Variants in LRTM1 observed in about 807,000 individuals in gnomAD.
The protein encoded by LRTM1 is leucine-rich repeat and transmembrane domain-containing protein 1.
LRTM1 carries 38 observed loss-of-function variants against 32.4 expected under a neutral mutation model. That is an observed-to-expected ratio of 1.17 (90% CI 0.91 to 1.54). The LOEUF is 1.54. LRTM1 is among the 40% of genes most tolerant of loss of function. The probability of loss-of-function intolerance (pLI) is 0.00; values close to 1 mark genes in which losing one functional copy is unlikely to be tolerated. For synonymous variants in LRTM1, 186 were observed against 169.9 expected, an observed-to-expected ratio of 1.09 and a Z score of -0.74; for missense variants, 466 against 415.4, an observed-to-expected ratio of 1.12 and a Z score of -1.06.
chr3:54,958,095 C>T (rs961758293), intron 1 of LRTM1, among the ~76,000 whole-genome samples: 2 of 152,214 alleles, frequency 1.3e-5, no homozygotes, highest in Middle Eastern at 3.2e-3. Flanking sequence ...ACAGGGAATA[C>T]AGCAGTAAAC....
At chr3:54,954,214 A>G (rs1040584440) in intron 1 of LRTM1, among the ~76,000 whole-genome samples, 3 of 152,152 alleles carry the variant, frequency 2.0e-5, no homozygotes, top group South Asian at 2.1e-4. Flanking sequence ...GGTCAGTGCT[A>G]TGGCCTCCTC....
intron 1 of LRTM1, among the ~76,000 whole-genome samples, chr3:54,948,516 G>A (rs1294894820): frequency 6.6e-6 from 1 of 151,326 alleles, no homozygotes; most frequent in African/African-American, 2.5e-5. Context: ...TCTTCCTGCA[G>A]TGGTTTCACC....
upstream of LRTM1, among the ~76,000 whole-genome samples, chr3:54,932,553 T>G (rs895808871): frequency 6.6e-6 from 1 of 152,212 alleles, no homozygotes; most frequent in African/African-American, 2.4e-5. Context: ...TGAGATGTCT[T>G]ATCTTCTAGT....
At chr3:54,935,814 A>G (rs1701314555) in intron 1 of LRTM1, among the ~76,000 whole-genome samples, 1 of 152,114 alleles carries the variant, frequency 6.6e-6, no homozygotes, top group South Asian at 2.1e-4. Context: ...TTTTCTCTTT[A>G]AGGTTTGTTC....
intron 1 of LRTM1, among the ~76,000 whole-genome samples, chr3:54,951,695 C>A (rs1431291661): frequency 6.6e-6 from 1 of 152,220 alleles, no homozygotes; most frequent in Non-Finnish European, 1.5e-5. Context: ...GGTTAAGTCA[C>A]TGAACCGCCG....
At chr3:54,922,977 A>C (rs1700897219) in intron 2 of LRTM1, among the ~76,000 whole-genome samples, 1 of 152,166 alleles carries the variant, frequency 6.6e-6, no homozygotes, top group Non-Finnish European at 1.5e-5. Context: ...TCAGTATTCC[A>C]AGTATCTCCC....
intron 1 of LRTM1, among the ~76,000 whole-genome samples, chr3:54,938,046 G>T (rs1701374007): frequency 1.3e-5 from 2 of 152,188 alleles, no homozygotes; most frequent in South Asian, 4.1e-4. Flanking sequence ...CAAGCATTAT[G>T]AAATCCCCGT....
intron 1 of LRTM1, among the ~76,000 whole-genome samples, chr3:54,947,117 C>T (rs1228051871): frequency 6.6e-6 from 1 of 152,162 alleles, no homozygotes; most frequent in East Asian, 1.9e-4. Flanking sequence ...TGAGCTCTTA[C>T]TGTGTTCCAG....
At chr3:54,956,678 C>A (rs1701903398) in intron 1 of LRTM1, among the ~76,000 whole-genome samples, 2 of 152,082 alleles carry the variant, frequency 1.3e-5, no homozygotes, top group Admixed American at 1.3e-4. Flanking sequence ...GTAATTTGTT[C>A]TCAGAGTAAT....
chr3:54,949,123 GA>G (rs1553926131), intron 1 of LRTM1, among the ~76,000 whole-genome samples: 1 of 152,190 alleles, frequency 6.6e-6, no homozygotes, highest in Non-Finnish European at 1.5e-5. Context: ...TCAGTGGAAA[GA>G]AACCCCCTCT....
Position 54,918,770 on chromosome 3 carries a change from G to T in LRTM1, c.727C>A (p.Gln243Lys). The part of the protein sequence containing the change: ...PLPAPDPVSS[Q>K]AQWPGSAHGV... ...TGGGCAGAGCCGGGCCACTGAGCCTGCGAGGACACTGGATCAGGAGCAGGA... is the reference window on the plus strand; with the variant it reads ...TGGGCAGAGCCGGGCCACTGAGCCTTCGAGGACACTGGATCAGGAGCAGGA... Residue 243 changes from glutamine (Q) to lysine (K), a missense_variant, in exon 3 of 3, where the codon CAG (glutamine) becomes AAG (lysine). Gln to Lys is a moderately conservative substitution (Grantham distance 53, BLOSUM62 1). Transcript: ENST00000273286. The T allele has an allele frequency of 6.2e-7, 1 of 1,614,152 alleles. No individual in the cohort carries two copies. The highest frequency in any genetic ancestry group is 8.5e-7 in the Non-Finnish European group (1 of 1,180,026).
chr3:54,934,231 C>T (rs1701274279), intron 1 of LRTM1, among the ~76,000 whole-genome samples: 1 of 152,148 alleles, frequency 6.6e-6, no homozygotes, highest in Non-Finnish European at 1.5e-5. Context: ...ATTTTATGCC[C>T]TAAGGTCATT....
At chr3:54,958,940 C>A (rs780714041) in intron 1 of LRTM1, among the ~76,000 whole-genome samples, 1 of 151,880 alleles carries the variant, frequency 6.6e-6, no homozygotes, top group Admixed American at 6.6e-5. Flanking sequence ...CCTGTCTCTA[C>A]AAAAAACACA....
intron 1 of LRTM1, among the ~76,000 whole-genome samples, chr3:54,957,917 C>G (rs1203605745): frequency 2.0e-5 from 3 of 152,188 alleles, no homozygotes; most frequent in African/African-American, 7.2e-5. Flanking sequence ...AGAACCTTTT[C>G]ATTGCTCTCT....
chr3:54,919,243 G>A (rs991425825), intron 2 of LRTM1, among the ~76,000 whole-genome samples: 5 of 152,218 alleles, frequency 3.3e-5, no homozygotes, highest in African/African-American at 4.8e-5. Context: ...TTCGTGCCAC[G>A]CATGGTCCTA....
At chr3:54,921,147 G>A (rs1335936389) in intron 2 of LRTM1, among the ~76,000 whole-genome samples, 4 of 152,144 alleles carry the variant, frequency 2.6e-5, no homozygotes, top group Non-Finnish European at 5.9e-5. Context: ...GCTCCAGCTT[G>A]CCAAGCACTC....
At chr3:54,919,076 T>G (rs1700757431) in intron 2 of LRTM1, among the ~76,000 whole-genome samples, 184 bp from the exon 3 acceptor site, 1 of 152,052 alleles carries the variant, frequency 6.6e-6, no homozygotes, top group African/African-American at 2.4e-5. Flanking sequence ...GGCTAAATAC[T>G]AAAAATGCCA....
intron 2 of LRTM1, among the ~76,000 whole-genome samples, chr3:54,920,044 G>A (rs1373493434): frequency 6.6e-6 from 1 of 152,198 alleles, no homozygotes; most frequent in African/African-American, 2.4e-5. Context: ...CTCTCAGGCT[G>A]CCATAAGCAC....
At chr3:54,928,703 C>T (rs1177269830), upstream of LRTM1, among the ~76,000 whole-genome samples, 1 of 151,648 alleles carries the variant, frequency 6.6e-6, no homozygotes, top group Non-Finnish European at 1.5e-5. Flanking sequence ...TGCCCCCACA[C>T]CCCACCCACT....
Sources: gnomAD v4.1 joint callset for allele counts (sites outside exome capture counted in the v4.1 genomes callset) on GRCh38, gnomAD v4.1.1 for gene constraint, MANE v1.5 for transcripts, NCBI Gene and HGNC (gene_info 2026-07-23, HGNC 2026-07-21) for gene names.